The following HDAC4 variants were observed in gnomAD, a reference collection of about 807,000 sequenced individuals.
HDAC4 encodes the protein histone deacetylase 4.
Under a neutral mutation model 135.1 loss-of-function variants are expected in HDAC4, and 16 were observed. The observed-to-expected ratio is 0.12, with a 90% CI of 0.08 to 0.18. The LOEUF (loss-of-function observed/expected upper bound fraction) is 0.18. Among genes scored for constraint, HDAC4 ranks in the 10% least tolerant of loss-of-function variants. HDAC4 has a pLI of 1.00. For synonymous variants in HDAC4, 685 were observed against 653.4 expected (o/e 1.05, Z -0.74); for missense variants, 1,143 against 1,511.8 (o/e 0.76, Z 4.05).
At chr2:239,323,050 A>G (rs905256607) in intron 2 of HDAC4, among the ~76,000 whole-genome samples, 11 of 152,316 alleles carry the variant, frequency 7.2e-5, no homozygotes, top group South Asian at 2.1e-4. Flanking sequence ...CTTGGACTTT[A>G]TCCTAACAAA....
chr2:239,244,780 G>C (rs2048377093), intron 2 of HDAC4, among the ~76,000 whole-genome samples: 1 of 152,122 alleles, frequency 6.6e-6, no homozygotes, highest in Admixed American at 6.5e-5. Flanking sequence ...GCTTTGCTGA[G>C]TGACCCCAGC....
chr2:239,254,170 A>C (rs1473020242), intron 2 of HDAC4, among the ~76,000 whole-genome samples: 1 of 152,206 alleles, frequency 6.6e-6, no homozygotes, highest in African/African-American at 2.4e-5. Flanking sequence ...TAGCCCCAGG[A>C]AGACAAAGAA....
rs141533270 is a variant in HDAC4 at position 239,311,382 on chromosome 2, G to A, written c.22+41296C>T. Among the ~76,000 whole-genome samples, 8 of 152,324 alleles carry A rather than the reference G, an allele frequency of 5.3e-5. No homozygotes were observed. In the East Asian group the frequency reaches 5.8e-4, roughly 11 times the overall value. The stretch of plus-strand genomic sequence containing the variant: ...TTAGACTGGGTAGCATTTGTCAAGC[G>A]CCGAGCAAACAGTGGATGAAGTGTC... On this transcript the variant is annotated intron_variant, in intron 2 of 26. Coordinates refer to ENST00000543185, the MANE Select transcript of HDAC4 (RefSeq NM_001378414.1).
intron 16 of HDAC4, among the ~76,000 whole-genome samples, chr2:239,095,271 A>T (rs1308367968): frequency 1.4e-5 from 2 of 144,632 alleles, no homozygotes; most frequent in African/African-American, 5.0e-5. Flanking sequence ...GAGCTGGGTC[A>T]CAGACCCTGG....
chr2:239,354,332 T>G (rs62182147), intron 1 of HDAC4, among the ~76,000 whole-genome samples: 20,781 of 152,078 alleles, frequency 0.14, 1,840 homozygotes, highest in Non-Finnish European at 0.21. Context: ...CCCAGGGAAG[T>G]GTCGGGCCAA....
intron 5 of HDAC4, among the ~76,000 whole-genome samples, chr2:239,171,373 G>A (rs925699156): frequency 6.6e-6 from 1 of 152,228 alleles, no homozygotes; most frequent in Non-Finnish European, 1.5e-5. Flanking sequence ...CAATGGATGA[G>A]TTTAACAGCA....
At chr2:239,124,131 C>T (rs1253885396) in intron 12 of HDAC4, among the ~76,000 whole-genome samples, 1 of 152,216 alleles carries the variant, frequency 6.6e-6, no homozygotes, top group African/African-American at 2.4e-5. Flanking sequence ...CTCTTTCTTC[C>T]TTGTAACAGC....
At position 239,144,220 on chromosome 2, in the gene HDAC4, G is replaced by A. The variant is rs537175455; in HGVS notation, c.865+363C>T. On this transcript the variant is annotated intron_variant, in intron 8 of 26. Coordinates refer to ENST00000543185, the MANE Select transcript of HDAC4 (RefSeq NM_001378414.1). ...CTCAGGGGCAGCGGAACAGGGCAGA[G>A]CATGCGATTCACCACTACTAGGGTG... 2.6e-5 allele frequency among the ~76,000 whole-genome samples: 4 copies of A among 152,316 alleles called. No individual in the cohort carries two copies. In the East Asian group the frequency reaches 7.7e-4, roughly 29 times the overall value.
chr2:239,338,096 A>G (rs1057303136), intron 2 of HDAC4, among the ~76,000 whole-genome samples: 2 of 152,194 alleles, frequency 1.3e-5, no homozygotes. Context: ...GAGGCTGCTC[A>G]GAGAGCACAG....
rs142501374 is a variant in HDAC4, at chr2:239,086,360, T to C, written c.2444+1199A>G. Among the ~76,000 whole-genome samples the C allele has an allele frequency of 9.3e-4, 119 of 128,312 alleles. 3 individuals are homozygous for C. The highest frequency in any genetic ancestry group is 1.5e-3 in the Admixed American group (17 of 11,414). The allele number at this position is 128,312 out of a possible 152,430, so 84.2% of individuals were successfully genotyped here. A position where few individuals can be genotyped will look rare whatever the true frequency, so the allele number is the denominator to read the frequency against. Reference sequence around the variant, plus strand: ...TCTCGCACGTACAGTCTCCTCCCTGTACATGAAGGAGAATCTGCTCTAACA... The same window carrying C: ...TCTCGCACGTACAGTCTCCTCCCTGCACATGAAGGAGAATCTGCTCTAACA... On this transcript the variant is annotated intron_variant, in intron 19 of 26. Coordinates refer to ENST00000543185, the MANE Select transcript of HDAC4 (RefSeq NM_001378414.1).
chr2:239,215,210 CCCA>C (rs1445774357), intron 3 of HDAC4, among the ~76,000 whole-genome samples: 1 of 152,180 alleles, frequency 6.6e-6, no homozygotes, highest in Non-Finnish European at 1.5e-5. Flanking sequence ...ATAAGAAAAA[CCCA>C]CCAAGGCACC....
intron 1 of HDAC4, among the ~76,000 whole-genome samples, chr2:239,367,021 C>A (rs564559890): frequency 1.5e-5 from 2 of 136,786 alleles, no homozygotes; most frequent in South Asian, 2.1e-4. Flanking sequence ...CAGGCACTTG[C>A]GGATGGAAAA....
intron 9 of HDAC4, among the ~76,000 whole-genome samples, chr2:239,137,115 T>A (rs756044762): frequency 5.4e-4 from 83 of 152,370 alleles, no homozygotes; most frequent in Non-Finnish European, 8.8e-4. Context: ...AGGTTTTTTT[T>A]AAGCCCATTT....
chr2:239,205,384 A>C lies in HDAC4; in HGVS notation c.95-15307T>G, dbSNP rs539780712. Among the ~76,000 whole-genome samples the C allele has an allele frequency of 1.6e-4, 25 of 152,316 alleles. No homozygotes were observed. The East Asian group carries it at 3.7e-3, about 22-fold the overall frequency. On this transcript the variant is annotated intron_variant, in intron 3 of 26. Transcript: ENST00000543185. The stretch of plus-strand genomic sequence containing the variant: ...TGGGCAACGTTATCCAACAAAGGAA[A>C]TGCAGTCACAGAAGCCAGGACCAGT...
At chr2:239,198,733 G>A (rs2045566079) in intron 3 of HDAC4, among the ~76,000 whole-genome samples, 1 of 152,132 alleles carries the variant, frequency 6.6e-6, no homozygotes, top group Non-Finnish European at 1.5e-5. Flanking sequence ...CCCCTCTTCT[G>A]TTCTCCCCAT....
intron 1 of HDAC4, among the ~76,000 whole-genome samples, chr2:239,396,764 A>G (rs1575811198): frequency 6.6e-6 from 1 of 152,212 alleles, no homozygotes; most frequent in African/African-American, 2.4e-5. Flanking sequence ...GATTTTCTTT[A>G]AGGTTTCTGG....
At chr2:239,104,461 C>T (rs1438403201) in intron 15 of HDAC4, among the ~76,000 whole-genome samples, 1 of 152,172 alleles carries the variant, frequency 6.6e-6, no homozygotes, top group East Asian at 1.9e-4. Flanking sequence ...AACTCCTGAC[C>T]TCATGTGATC....
chr2:239,350,934 C>T (rs192229629), intron 2 of HDAC4, among the ~76,000 whole-genome samples: 3 of 152,214 alleles, frequency 2.0e-5, no homozygotes, highest in Non-Finnish European at 2.9e-5. Context: ...CCAAGTCATA[C>T]AAAAATATGC....
intron 22 of HDAC4, among the ~76,000 whole-genome samples, chr2:239,073,473 GGACA>G (rs1433701586): frequency 6.6e-6 from 1 of 152,244 alleles, no homozygotes; most frequent in East Asian, 1.9e-4. Flanking sequence ...GCCCAAGACA[GGACA>G]GACAGTGCAT....
Sources: allele counts gnomAD v4.1 joint callset (sites outside exome capture counted in the v4.1 genomes callset), GRCh38; gene constraint gnomAD v4.1.1; transcripts MANE v1.5; gene names NCBI Gene and HGNC (gene_info 2026-07-23, HGNC 2026-07-21).